Variants in PCDH9 observed in about 807,000 individuals in gnomAD.
PCDH9 encodes the protein protocadherin-9.
PCDH9 carries 24 observed loss-of-function variants against 70.6 expected under a neutral mutation model. The ratio of observed to expected loss-of-function variants is 0.34; its 90% CI spans 0.25 to 0.48. The LOEUF (loss-of-function observed/expected upper bound fraction) is 0.48, where lower values mean the gene tolerates loss of function less well. Among genes scored for constraint, PCDH9 ranks in the 20% least tolerant of loss-of-function variants. The probability of loss-of-function intolerance (pLI) is 0.99; values close to 1 mark genes in which losing one functional copy is unlikely to be tolerated. For missense variants in PCDH9, 1,281 were observed against 1,503.6 expected, an observed-to-expected ratio of 0.85 and a Z score of 2.45; for synonymous variants, 562 against 558.5, an observed-to-expected ratio of 1.01 and a Z score of -0.09.
chr13:66,303,515 A>G lies in PCDH9; in HGVS notation c.*1140T>C, dbSNP rs1955406968. ...GCTATGGTCTAATAACACTTGTGTT[A>G]CAACAACATTATTGTATATGAGGAT... On this transcript the variant is annotated 3_prime_UTR_variant, in exon 5 of 5. Coordinates refer to ENST00000377865, the MANE Select transcript of PCDH9 (RefSeq NM_203487.3). 6.6e-6 allele frequency: 1 copy of G among 152,542 alleles called. No individual in the cohort carries two copies. The highest frequency in any genetic ancestry group is 2.1e-4 in the South Asian group (1 of 4,834). 9.4% of individuals were successfully genotyped at this position (152,542 alleles called of 1,614,324 possible). A position where few individuals can be genotyped will look rare whatever the true frequency, so the allele number is the denominator to read the frequency against.
intron 3 of PCDH9, among the ~76,000 whole-genome samples, chr13:66,696,116 A>G (rs2078559166): frequency 6.6e-6 from 1 of 152,082 alleles, no homozygotes; most frequent in Non-Finnish European, 1.5e-5. Context: ...TGGCTACTTA[A>G]AAGCAGAATA....
chr13:67,122,111 T>C (rs954007202), intron 2 of PCDH9, among the ~76,000 whole-genome samples: 24 of 152,278 alleles, frequency 1.6e-4, no homozygotes, highest in African/African-American at 5.8e-4. Flanking sequence ...AGGAAATTAG[T>C]GTCTACACAA....
At chr13:66,827,456 AT>A (rs1362440680) in intron 3 of PCDH9, among the ~76,000 whole-genome samples, 4 of 152,106 alleles carry the variant, frequency 2.6e-5, no homozygotes, top group African/African-American at 9.7e-5. Context: ...AAGAAAAAAA[AT>A]AAAGGCTCTC....
intron 2 of PCDH9, chr13:67,212,101 A>G (rs1260551898): frequency 6.6e-6 from 1 of 152,130 alleles, no homozygotes; most frequent in Non-Finnish European, 1.5e-5. Flanking sequence ...ACTTGCTACT[A>G]TATTTTATTA....
chr13:66,694,185 T>C (rs1180690766), intron 3 of PCDH9, among the ~76,000 whole-genome samples: 1 of 152,228 alleles, frequency 6.6e-6, no homozygotes, highest in Non-Finnish European at 1.5e-5. Context: ...ATTCATATAA[T>C]GGGTGTCTGT....
At chr13:67,086,111 C>T (rs2086102864) in intron 2 of PCDH9, among the ~76,000 whole-genome samples, 1 of 152,120 alleles carries the variant, frequency 6.6e-6, no homozygotes, top group South Asian at 2.1e-4. Flanking sequence ...TACAGATCCC[C>T]AGTGGTTTGC....
chr13:66,874,690 T>C (rs1265884537), intron 3 of PCDH9, among the ~76,000 whole-genome samples: 2 of 152,092 alleles, frequency 1.3e-5, no homozygotes, highest in African/African-American at 2.4e-5. Flanking sequence ...GCTCAGTAAA[T>C]ACACTTAGCA....
intron 4 of PCDH9, among the ~76,000 whole-genome samples, chr13:66,387,404 GA>G (rs1956948003): frequency 6.6e-6 from 1 of 152,006 alleles, no homozygotes; most frequent in Admixed American, 6.6e-5. Flanking sequence ...ACCTCATATT[GA>G]AACTTGGTCC....
chr13:66,853,473 C>A (rs2081347548), intron 3 of PCDH9, among the ~76,000 whole-genome samples: 1 of 152,090 alleles, frequency 6.6e-6, no homozygotes, highest in South Asian at 2.1e-4. Context: ...ACCTGTCATT[C>A]ATCAAATGAA....
At chr13:67,035,390 T>C (rs955363279) in intron 2 of PCDH9, among the ~76,000 whole-genome samples, 3 of 152,062 alleles carry the variant, frequency 2.0e-5, no homozygotes, top group Admixed American at 1.3e-4. Flanking sequence ...AATTCCCATG[T>C]GGTTGAATTA....
rs192749868 is a variant in PCDH9 at position 66,313,937 on chromosome 13, G to T, written c.3341-8909C>A. ...TGTCTGAAAGATTATATTTTAAATG[G>T]AATAAAACATCAGATATGGAATCCA... On this transcript the variant is annotated intron_variant, in intron 4 of 4. Coordinates refer to ENST00000377865, the MANE Select transcript of PCDH9 (RefSeq NM_203487.3). 1.6e-4 allele frequency among the ~76,000 whole-genome samples: 25 copies of T among 152,218 alleles called. No individual in the cohort carries two copies. In the East Asian group the frequency reaches 4.8e-3, roughly 29 times the overall value.
chr13:66,898,853 C>G (rs2139587336), intron 3 of PCDH9, among the ~76,000 whole-genome samples: 2 of 152,084 alleles, frequency 1.3e-5, no homozygotes, highest in South Asian at 4.1e-4. Flanking sequence ...GTGTAACAAA[C>G]TGAGCCCCGT....
intron 3 of PCDH9, among the ~76,000 whole-genome samples, chr13:66,825,459 C>G (rs1249608378): frequency 6.7e-6 from 1 of 148,966 alleles, no homozygotes; most frequent in Non-Finnish European, 1.5e-5. Context: ...GCCTCAGCCT[C>G]CCGTGTAGCT....
At chr13:66,914,629 T>G (rs886471152) in intron 2 of PCDH9, 2 of 151,898 alleles carry the variant, frequency 1.3e-5, no homozygotes, top group Non-Finnish European at 2.9e-5. Context: ...GATTGTATAC[T>G]CTCCTCAAAA....
chr13:66,498,961 G>A (rs777917086), intron 4 of PCDH9, among the ~76,000 whole-genome samples: 2 of 151,222 alleles, frequency 1.3e-5, no homozygotes, highest in African/African-American at 2.4e-5. Flanking sequence ...ATGTCACATG[G>A]CAATAGTTCA....
intron 3 of PCDH9, among the ~76,000 whole-genome samples, chr13:66,810,219 T>C (rs541052923): frequency 8.5e-5 from 13 of 152,252 alleles, no homozygotes; most frequent in Middle Eastern, 6.8e-3. Context: ...AGAATCCTTT[T>C]TTATGAATTT....
intron 2 of PCDH9, among the ~76,000 whole-genome samples, chr13:66,918,186 A>G (rs1020872126): frequency 2.0e-5 from 3 of 151,262 alleles, no homozygotes; most frequent in African/African-American, 7.3e-5. Context: ...AGATGTTTTG[A>G]GTAATGTGCA....
At chr13:66,751,165 C>A (rs957080238) in intron 3 of PCDH9, among the ~76,000 whole-genome samples, 9 of 152,074 alleles carry the variant, frequency 5.9e-5, no homozygotes, top group African/African-American at 2.2e-4. Flanking sequence ...TAACAACATA[C>A]GTACCTTGCA....
At chr13:66,426,388 A>C (rs1376711075) in intron 4 of PCDH9, among the ~76,000 whole-genome samples, 1 of 151,562 alleles carries the variant, frequency 6.6e-6, no homozygotes, top group Non-Finnish European at 1.5e-5. Flanking sequence ...TCTTCAGTGA[A>C]GTGGTTAATG....
Sources: gnomAD v4.1 joint callset for allele counts (sites outside exome capture counted in the v4.1 genomes callset) on GRCh38, gnomAD v4.1.1 for gene constraint, MANE v1.5 for transcripts, NCBI Gene and HGNC (gene_info 2026-07-23, HGNC 2026-07-21) for gene names.